SEPTIN7: variants seen among roughly 807,000 people sequenced by gnomAD.
SEPTIN7 encodes the protein septin 7, also known as septin-7.
Under a neutral mutation model 63.3 loss-of-function variants are expected in SEPTIN7, and 10 were observed. The observed-to-expected ratio is 0.16, with a 90% CI of 0.10 to 0.27. SEPTIN7 has a LOEUF of 0.27. Among genes scored for constraint, SEPTIN7 ranks in the 10% least tolerant of loss-of-function variants. The pLI, the probability that SEPTIN7 is intolerant of heterozygous loss-of-function variation, is 1.00. For missense variants in SEPTIN7, 310 were observed against 521.0 expected, an observed-to-expected ratio of 0.59 and a Z score of 3.94; for synonymous variants, 131 against 165.3, an observed-to-expected ratio of 0.79 and a Z score of 1.59.
chr7:35,805,147 G>T (rs1270949831), intron 1 of SEPTIN7, among the ~76,000 whole-genome samples: 3 of 152,198 alleles, frequency 2.0e-5, no homozygotes, highest in Non-Finnish European at 2.9e-5. Flanking sequence ...CTCCCAAAGT[G>T]CTGGGATTAT....
chr7:35,881,458 A>G (rs1282522656), intron 7 of SEPTIN7, among the ~76,000 whole-genome samples: 1 of 145,752 alleles, frequency 6.9e-6, no homozygotes, highest in Non-Finnish European at 1.5e-5. Context: ...ACTATTACTC[A>G]TTTTTCTCGT....
At chr7:35,869,187 T>C (rs2715596) in intron 4 of SEPTIN7, among the ~76,000 whole-genome samples, 143,054 of 152,182 alleles carry the variant, frequency 0.94, 67,774 homozygotes, top group East Asian at 1. Context: ...GAGGTCTCAG[T>C]GTAAGGAGAC....
chr7:35,827,924 CAG>C (rs1367822831), intron 1 of SEPTIN7, among the ~76,000 whole-genome samples: 4 of 152,214 alleles, frequency 2.6e-5, no homozygotes, highest in African/African-American at 9.6e-5. Context: ...TATCTTTGTA[CAG>C]AGTTTCTTCC....
At chr7:35,874,723 G>A (rs1786371612) in intron 6 of SEPTIN7, among the ~76,000 whole-genome samples, 1 of 151,988 alleles carries the variant, frequency 6.6e-6, no homozygotes, top group Admixed American at 6.6e-5. Context: ...AGATGGATAA[G>A]GGAGCCTTAA....
intron 1 of SEPTIN7, chr7:35,803,113 A>G (rs562362066): frequency 2.2e-6 from 2 of 930,154 alleles, no homozygotes; most frequent in Non-Finnish European, 2.6e-6. Context: ...TATCCTTTAA[A>G]AAGAAAGGAT....
chr7:35,852,340 A>G (rs542439416), intron 3 of SEPTIN7, among the ~76,000 whole-genome samples: 9 of 152,280 alleles, frequency 5.9e-5, no homozygotes, highest in East Asian at 1.9e-4. Flanking sequence ...CTAATGGACT[A>G]CTATAACCTT....
the SEPTIN7 span, among the ~76,000 whole-genome samples, chr7:35,912,206 A>G: frequency 2.0e-5 from 3 of 152,252 alleles, no homozygotes; most frequent in African/African-American, 7.2e-5. Context: ...CATGCTCATG[A>G]TGGCCATAAC....
intron 1 of SEPTIN7, among the ~76,000 whole-genome samples, chr7:35,822,880 A>G (rs1435846698): frequency 6.6e-6 from 1 of 152,196 alleles, no homozygotes; most frequent in African/African-American, 2.4e-5. Flanking sequence ...TTCTAATATT[A>G]AAGATGACAT....
downstream of SEPTIN7, among the ~76,000 whole-genome samples, chr7:35,908,261 G>T (rs1788671223): frequency 6.6e-6 from 1 of 152,162 alleles, no homozygotes; most frequent in Non-Finnish European, 1.5e-5. Flanking sequence ...AATGTTCAAA[G>T]TTTAGTGTCA....
At chr7:35,880,544 C>CT (rs1474136259) in intron 7 of SEPTIN7, among the ~76,000 whole-genome samples, 1 of 151,774 alleles carries the variant, frequency 6.6e-6, no homozygotes, top group Non-Finnish European at 1.5e-5. Flanking sequence ...TGCTCAAATC[C>CT]TTTGTCTTTT....
chr7:35,886,580 T>A (rs1210715664), intron 10 of SEPTIN7, among the ~76,000 whole-genome samples: 1 of 152,198 alleles, frequency 6.6e-6, no homozygotes, highest in Non-Finnish European at 1.5e-5. Flanking sequence ...TTGAGACACA[T>A]TCATTCCCCT....
intron 4 of SEPTIN7, among the ~76,000 whole-genome samples, chr7:35,869,889 A>G (rs1296724711): frequency 6.6e-6 from 1 of 152,226 alleles, no homozygotes; most frequent in African/African-American, 2.4e-5. Context: ...GTATTAAATG[A>G]TGCAGCTAAT....
At chr7:35,891,126 G>C (rs2116334494) in intron 11 of SEPTIN7, among the ~76,000 whole-genome samples, 1 of 152,306 alleles carries the variant, frequency 6.6e-6, no homozygotes, top group East Asian at 1.9e-4. Flanking sequence ...TTGGTTGTTA[G>C]AGTGGTGTAA....
chr7:35,903,799 C>G lies in SEPTIN7; in HGVS notation c.1275-455C>G, dbSNP rs527455436. On this transcript the variant is annotated intron_variant, in intron 13 of 13. Transcript: ENST00000350320. ...AGGATTATATAGTTTATCCTCATTA[C>G]TAAACATTTTCAGATTTGACATTTG... Among the ~76,000 whole-genome samples the G allele has an allele frequency of 9.9e-5, 15 of 152,246 alleles. No homozygotes were observed. The South Asian group carries it at 2.1e-3, about 21-fold the overall frequency.
chr7:35,811,322 A>G (rs1182716470), intron 1 of SEPTIN7, among the ~76,000 whole-genome samples: 1 of 152,192 alleles, frequency 6.6e-6, no homozygotes, highest in African/African-American at 2.4e-5. Context: ...TCTCTCAAAT[A>G]TTAACATTTT....
At chr7:35,823,188 C>T (rs533782554) in intron 1 of SEPTIN7, among the ~76,000 whole-genome samples, 5 of 152,240 alleles carry the variant, frequency 3.3e-5, no homozygotes, top group African/African-American at 1.2e-4. Flanking sequence ...TCCATTTTAA[C>T]CATAACTTAC....
chr7:35,891,105 G>A (rs186263239), intron 11 of SEPTIN7, among the ~76,000 whole-genome samples: 36 of 152,224 alleles, frequency 2.4e-4, no homozygotes, highest in Admixed American at 1.8e-3. Context: ...CTGGAGTTTC[G>A]TTTTCTTCTT....
At chr7:35,808,136 T>TG (rs1321281433) in intron 1 of SEPTIN7, among the ~76,000 whole-genome samples, 12 of 152,214 alleles carry the variant, frequency 7.9e-5, no homozygotes, top group South Asian at 4.1e-4. Context: ...TTGTTGTTGT[T>TG]TTTTTTAATA....
At chr7:35,882,360 T>TA (rs1478716022) in intron 7 of SEPTIN7, 124 bp from the exon 8 acceptor site, 12 of 656,352 alleles carry the variant, frequency 1.8e-5, no homozygotes, top group Non-Finnish European at 1.7e-5. Context: ...TTTGCATCAT[T>TA]AAAAAACAGT....
Sources: gnomAD v4.1 joint callset for allele counts (sites outside exome capture counted in the v4.1 genomes callset) on GRCh38, gnomAD v4.1.1 for gene constraint, MANE v1.5 for transcripts, NCBI Gene and HGNC (gene_info 2026-07-23, HGNC 2026-07-21) for gene names.